The following ZNF256 variants were observed in gnomAD, a reference collection of about 807,000 sequenced individuals.
ZNF256 encodes zinc finger protein 256.
ZNF256 carries 4 observed loss-of-function variants against 7.9 expected under a neutral mutation model. That is an observed-to-expected ratio of 0.50 (90% confidence interval 0.25 to 1.15). The LOEUF (loss-of-function observed/expected upper bound fraction) is 1.15. ZNF256 is among the 50% of genes most tolerant of loss of function. The probability of loss-of-function intolerance (pLI) is 0.15; values close to 1 mark genes in which losing one functional copy is unlikely to be tolerated. For missense variants in ZNF256, 666 were observed against 755.9 expected, an observed-to-expected ratio of 0.88 and a Z score of 1.39; for synonymous variants, 260 against 260.4, an observed-to-expected ratio of 1.00 and a Z score of 0.02.
intron 1 of ZNF256, 78 bp downstream of exon 1, chr19:57,947,364 G>C (rs2072774340): frequency 8.2e-7 from 1 of 1,217,816 alleles, no homozygotes; most frequent in East Asian, 3.2e-5. Flanking sequence ...TGGGCAGCAG[G>C]GCCGCGAGCA....
Position 57,947,591 on chromosome 19 carries a change from C to A in ZNF256, c.-117G>T. On this transcript the variant is annotated 5_prime_UTR_variant, in exon 1 of 3. Coordinates refer to ENST00000282308, the MANE Select transcript of ZNF256 (RefSeq NM_005773.3). ...TCTGTGCAGCGGGGAAGACTCCTCT[C>A]GCGCCTTCTCAGTCAGTCACGGATG... The A allele has an allele frequency of 9.8e-7, 1 of 1,022,452 alleles. No individual in the cohort carries two copies. The highest frequency in any genetic ancestry group is 1.3e-6 in the Non-Finnish European group (1 of 781,860). The allele number at this position is 1,022,452 out of a possible 1,614,324, so 63.3% of individuals were successfully genotyped here. A position where few individuals can be genotyped will look rare whatever the true frequency, so the allele number is the denominator to read the frequency against.
chr19:57,947,165 G>C (rs1046782925), intron 1 of ZNF256, among the ~76,000 whole-genome samples: 11 of 152,232 alleles, frequency 7.2e-5, no homozygotes, highest in Admixed American at 2.6e-4. Context: ...TATTAGATGG[G>C]CTCAAGCCAC....
In ZNF256 at chr19:57,942,150, A is replaced by G; in HGVS notation, c.658T>C (p.Phe220Leu). The change falls in exon 3 of 3, where the codon TTC becomes CTC. Residue 220 changes from phenylalanine to leucine, a missense_variant. Transcript: ENST00000282308. Reference sequence around the variant, plus strand: ...TGAACACGTACATGTTTGTAGCTGAAAGCTTTCACACATTCTCCCCAGTTG... The same window carrying G: ...TGAACACGTACATGTTTGTAGCTGAGAGCTTTCACACATTCTCCCCAGTTG... ...HYNWGECVKA[F>L]SYKHVRVQHQ... The G allele has an allele frequency of 4.3e-6, 7 of 1,614,240 alleles. No homozygotes were observed. The highest frequency in any genetic ancestry group is 5.9e-6 in the Non-Finnish European group (7 of 1,180,052).
rs764940188 is a variant in ZNF256, at chr19:57,941,628, G to C, written c.1180C>G (p.Leu394Val). Residue 394 changes from leucine to valine, a missense_variant, in exon 3 of 3, where the codon CTC (leucine) becomes GTC (valine). Coordinates refer to ENST00000282308, the MANE Select transcript of ZNF256 (RefSeq NM_005773.3). ...ATGTGAAGTCTCCGGTGTTTAATGA[G>C]GTGACAGCTCTGGCTAAAGGATTTC... ...CGKSFSQSCH[L>V]IKHRRLHIGE... 6.2e-7 allele frequency: 1 copy of C among 1,614,114 alleles called. No homozygotes were observed. Among genetic ancestry groups the C allele is most frequent in the South Asian group, 1.1e-5 (1 of 91,086 alleles).
rs747668546 is a variant in ZNF256, at chr19:57,941,554, A to C, written c.1254T>G (p.Tyr418Ter). The change falls in exon 3 of 3, where the codon TAT becomes TAG. Residue 418 changes from tyrosine (Y) to a stop codon, truncating the protein, a stop_gained. Transcript: ENST00000282308. LOFTEE classifies it low-confidence loss of function (END_TRUNC). Reference sequence around the variant, plus strand: ...TCTGGTGTTGGAAGAAACGAGATCTATAAGTAAACAATTTCCCACATTCAC... The same window carrying C: ...TCTGGTGTTGGAAGAAACGAGATCTCTAAGTAAACAATTTCCCACATTCAC... The part of the protein sequence containing the change: ...ECSECGKLFT[Y>*]RSRFFQHQRV... 6.8e-6 allele frequency: 11 copies of C among 1,614,036 alleles called. No homozygotes were observed. Among genetic ancestry groups the C allele is most frequent in the Non-Finnish European group, 5.1e-6 (6 of 1,180,000 alleles).
intron 1 of ZNF256, among the ~76,000 whole-genome samples, chr19:57,945,781 C>A (rs2072762499): frequency 6.6e-6 from 1 of 152,174 alleles, no homozygotes; most frequent in Non-Finnish European, 1.5e-5. Flanking sequence ...TCACAGATAA[C>A]CATGGCCCTA....
In ZNF256 at chr19:57,941,616, G is replaced by C; in HGVS notation, c.1192C>G (p.Arg398Gly). The change falls in exon 3 of 3, where the codon CGG (arginine) becomes GGG (glycine). Residue 398 changes from arginine to glycine, a missense_variant. Transcript: ENST00000282308. Reference protein sequence around the residue: ...FSQSCHLIKHRRLHIGEGPYE... With the variant: ...FSQSCHLIKHGRLHIGEGPYE... ...GGCCCTTCTCCAATGTGAAGTCTCCGGTGTTTAATGAGGTGACAGCTCTGG... is the reference window on the plus strand; with the variant it reads ...GGCCCTTCTCCAATGTGAAGTCTCCCGTGTTTAATGAGGTGACAGCTCTGG... 1 of 1,613,570 alleles carries C rather than the reference G, an allele frequency of 6.2e-7. No homozygotes were observed. Among genetic ancestry groups the C allele is most frequent in the Non-Finnish European group, 8.5e-7 (1 of 1,179,906 alleles).
Position 57,944,029 on chromosome 19 carries a change from T to A in ZNF256, c.65A>T (p.Tyr22Phe). 6.2e-7 allele frequency: 1 copy of A among 1,613,904 alleles called. No individual in the cohort carries two copies. Among genetic ancestry groups the A allele is most frequent in the Non-Finnish European group, 8.5e-7 (1 of 1,179,922 alleles). ...GIVTFEDVAV[Y>F]FSWKEWGLLD... The stretch of plus-strand genomic sequence containing the variant: ...AAGACCCCACTCCTTCCAGGAGAAG[T>A]AAACAGCCACGTCCTCAAAGGTCAC... The change falls in exon 2 of 3, where the codon TAC becomes TTC. Residue 22 changes from tyrosine (Y) to phenylalanine (F), a missense_variant. By Grantham distance (22) the Tyr-to-Phe change is conservative. Coordinates refer to ENST00000282308, the MANE Select transcript of ZNF256 (RefSeq NM_005773.3).
At position 57,942,356 on chromosome 19, in the gene ZNF256, C is replaced by A. The variant is rs903627971; in HGVS notation, c.452G>T (p.Gly151Val). ...VGQKHFRSNG[G>V]RDMFLSSCTF... ...GCAGCTGCTCAAAAACATGTCTCTG[C>A]CCCCATTGCTTCTGAAGTGTTTCTG... The change falls in exon 3 of 3, where the codon GGC (glycine) becomes GTC (valine). Residue 151 changes from glycine to valine, a missense_variant. Transcript: ENST00000282308. The A allele has an allele frequency of 6.8e-6, 11 of 1,614,086 alleles. No homozygotes were observed. Among genetic ancestry groups the A allele is most frequent in the Non-Finnish European group, 9.3e-6 (11 of 1,180,046 alleles).
chr19:57,941,008 T>C lies in ZNF256; in HGVS notation c.1800A>G (p.Glu600=). 1 of 1,613,962 alleles carries C rather than the reference T, an allele frequency of 6.2e-7. No homozygotes were observed. The highest frequency in any genetic ancestry group is 8.5e-7 in the Non-Finnish European group (1 of 1,179,870). Residue 600 remains glutamate, a synonymous_variant, in exon 3 of 3, where the codon GAA becomes GAG. Coordinates refer to ENST00000282308, the MANE Select transcript of ZNF256 (RefSeq NM_005773.3). ...LTNHQRIHSG[E]RPYECSDCGK... ...CACAGTCACTACACTCATAAGGCCT[T>C]TCCCCACTGTGAATTCGCTGGTGAT...
chr19:57,947,354 T>C (rs535914484), intron 1 of ZNF256, 88 bp downstream of exon 1: 19 of 1,201,828 alleles, frequency 1.6e-5, no homozygotes, highest in East Asian at 6.4e-5. Context: ...TGTCCTGTCC[T>C]GGGCAGCAGG....
Position 57,940,922 on chromosome 19 carries a change from C to T in ZNF256, c.*2G>A. ...AACAGCCCTATGTGTGTTACCTAACCTTTATCCCTTGTGAACGTTCTGATG... is the reference window on the plus strand; with the variant it reads ...AACAGCCCTATGTGTGTTACCTAACTTTTATCCCTTGTGAACGTTCTGATG... On this transcript the variant is annotated 3_prime_UTR_variant, in exon 3 of 3. Coordinates refer to ENST00000282308, the MANE Select transcript of ZNF256 (RefSeq NM_005773.3). The T allele has an allele frequency of 6.2e-7, 1 of 1,612,132 alleles. No homozygotes were observed. The highest frequency in any genetic ancestry group is 8.5e-7 in the Non-Finnish European group (1 of 1,178,530).
intron 2 of ZNF256, among the ~76,000 whole-genome samples, chr19:57,943,208 T>C (rs952020267): frequency 6.6e-6 from 1 of 152,198 alleles, no homozygotes; most frequent in African/African-American, 2.4e-5. Context: ...GAAAAGGCAG[T>C]AATGAGGTTT....
At position 57,941,478 on chromosome 19, in the gene ZNF256, A is replaced by G. The variant is rs2072727525; in HGVS notation, c.1330T>C (p.Phe444Leu). 5 of 1,614,118 alleles carry G rather than the reference A, an allele frequency of 3.1e-6. No individual in the cohort carries two copies. Among genetic ancestry groups the G allele is most frequent in the Non-Finnish European group, 1.7e-6 (2 of 1,180,022 alleles). Residue 444 changes from phenylalanine to leucine, a missense_variant, in exon 3 of 3, where the codon TTT (phenylalanine) becomes CTT (leucine). Coordinates refer to ENST00000282308, the MANE Select transcript of ZNF256 (RefSeq NM_005773.3). ...SHECHECGKL[F>L]SRKFDLIVHE... ...ACAATGAGGTCAAATTTCCTGCTAA[A>G]TAATTTTCCACATTCATGACATTCA...
In ZNF256 at chr19:57,943,923, G is replaced by C; in HGVS notation, c.160+11C>G. 1.2e-6 allele frequency: 2 copies of C among 1,613,694 alleles called. No individual in the cohort carries two copies. Among genetic ancestry groups the C allele is most frequent in the Non-Finnish European group, 1.7e-6 (2 of 1,179,748 alleles). ...TAGCTCGGGGCATAGAGGTGGGTGT[G>C]AGGACCTTACCCAGGGAGGTTGTAA... On this transcript the variant is annotated intron_variant, in intron 2 of 2. Transcript: ENST00000282308.
intron 2 of ZNF256, among the ~76,000 whole-genome samples, chr19:57,942,998 C>T (rs778190177): frequency 1.3e-5 from 2 of 152,156 alleles, no homozygotes; most frequent in Non-Finnish European, 2.9e-5. Flanking sequence ...AATGTGACAA[C>T]AAAATAGCGG....
intron 1 of ZNF256, among the ~76,000 whole-genome samples, chr19:57,945,416 A>G (rs1480925546): frequency 6.6e-6 from 1 of 152,198 alleles, no homozygotes; most frequent in Non-Finnish European, 1.5e-5. Context: ...AACCCACTAC[A>G]AAGTAATAAG....
Position 57,947,493 on chromosome 19 carries a change from C to G in ZNF256, c.-19G>C, listed in dbSNP as rs1377044302. ...CCGCCATCTGACTCTGTGAGCGGAG[C>G]GGGGCCAGAGAGGATGTCCTTATTC... is the stretch of plus-strand genomic sequence containing the variant. On this transcript the variant is annotated 5_prime_UTR_variant, in exon 1 of 3. Transcript: ENST00000282308. The G allele has an allele frequency of 1.6e-6, 2 of 1,249,066 alleles. No individual in the cohort carries two copies. The highest frequency in any genetic ancestry group is 1.6e-5 in the African/African-American group (1 of 64,508). 77.4% of individuals were successfully genotyped at this position (1,249,066 alleles called of 1,614,324 possible).
chr19:57,941,446 C>T lies in ZNF256; in HGVS notation c.1362G>A (p.Glu454=), dbSNP rs1269666361. ...FSRKFDLIVH[E]RVHTGERPYE... Reference sequence around the variant, plus strand: ...ATGGCCTTTCTCCTGTGTGAACTCTCTCATGTACAATGAGGTCAAATTTCC... The same window carrying T: ...ATGGCCTTTCTCCTGTGTGAACTCTTTCATGTACAATGAGGTCAAATTTCC... The change falls in exon 3 of 3, where the codon GAG becomes GAA. Residue 454 remains glutamate (E), a synonymous_variant. Coordinates refer to ENST00000282308, the MANE Select transcript of ZNF256 (RefSeq NM_005773.3). 6.2e-7 allele frequency: 1 copy of T among 1,614,164 alleles called. No individual in the cohort carries two copies. Among genetic ancestry groups the T allele is most frequent in the Non-Finnish European group, 8.5e-7 (1 of 1,180,038 alleles).
Sources: allele counts gnomAD v4.1 joint callset (sites outside exome capture counted in the v4.1 genomes callset), GRCh38; gene constraint gnomAD v4.1.1; transcripts MANE v1.5; gene names NCBI Gene and HGNC (gene_info 2026-07-23, HGNC 2026-07-21).